ME3: variants seen among roughly 807,000 people sequenced by gnomAD.
The protein encoded by ME3 is malic enzyme 3, also known as NADP-dependent malic enzyme, mitochondrial.
Under a neutral mutation model 68.9 loss-of-function variants are expected in ME3, and 48 were observed. The ratio of observed to expected loss-of-function variants is 0.70; its 90% CI spans 0.55 to 0.89. The LOEUF (loss-of-function observed/expected upper bound fraction) is 0.89. ME3 is among the 40% of genes least tolerant of loss of function. The pLI is 0.00. For synonymous variants in ME3, 320 were observed against 318.8 expected, an observed-to-expected ratio of 1.00 and a Z score of -0.04; for missense variants, 675 against 797.4, an observed-to-expected ratio of 0.85 and a Z score of 1.85.
chr11:86,549,976 A>C (rs1307769868), intron 4 of ME3, among the ~76,000 whole-genome samples: 1 of 152,070 alleles, frequency 6.6e-6, no homozygotes, highest in Admixed American at 6.6e-5. Context: ...CAGATTATCA[A>C]CTCCCTAAAA....
At chr11:86,518,955 G>A (rs1246588417) in intron 4 of ME3, among the ~76,000 whole-genome samples, 2 of 152,230 alleles carry the variant, frequency 1.3e-5, no homozygotes, top group Non-Finnish European at 2.9e-5. Context: ...AGAAGGGGCG[G>A]CAAGGAGTGT....
rs71040244 is a variant in ME3 at position 86,560,704 on chromosome 11, ATG to A, written c.184-883_184-882del. Among the ~76,000 whole-genome samples the A allele has an allele frequency of 8.8e-3, 891 of 101,228 alleles. 13 individuals are homozygous for A. The highest frequency in any genetic ancestry group is 0.027 in the African/African-American group (681 of 25,370). The allele number at this position is 101,228 out of a possible 152,430, so 66.4% of individuals were successfully genotyped here. The stretch of plus-strand genomic sequence containing the variant: ...TAGATAAATATATGTATATAATGAT[ATG>A]TGTGTGTGTGTGTGTGTGTATGTGT... On this transcript the variant is annotated intron_variant, in intron 2 of 14. Transcript: ENST00000543262.
At chr11:86,505,637 A>G (rs985901650) in intron 5 of ME3, among the ~76,000 whole-genome samples, 1 of 152,172 alleles carries the variant, frequency 6.6e-6, no homozygotes, top group Non-Finnish European at 1.5e-5. Flanking sequence ...ACCTCCAGTG[A>G]TGACAGTATC....
intron 2 of ME3, among the ~76,000 whole-genome samples, chr11:86,600,004 G>A (rs1466228886): frequency 6.6e-6 from 1 of 152,162 alleles, no homozygotes; most frequent in Non-Finnish European, 1.5e-5. Flanking sequence ...ATGCCAAAAT[G>A]TAAAGACTAT....
At position 86,538,971 on chromosome 11, in the gene ME3, A is replaced by C. The variant is rs182033254; in HGVS notation, c.467+17582T>G. On this transcript the variant is annotated intron_variant, in intron 4 of 14. Coordinates refer to ENST00000543262, the Ensembl canonical transcript of ME3. ...ACATTTCTTTGACCAGAATTAGGTC[A>C]TATATCTACACCTAAAGTAATCACT... Among the ~76,000 whole-genome samples the C allele has an allele frequency of 1.6e-4, 25 of 152,324 alleles. No homozygotes were observed. The East Asian group carries it at 4.8e-3, about 29-fold the overall frequency.
intron 2 of ME3, chr11:86,622,988 A>C (rs1318314847): frequency 6.6e-6 from 1 of 152,210 alleles, no homozygotes; most frequent in Admixed American, 6.5e-5. Flanking sequence ...CTCAGTTAAC[A>C]CGCCTGTAAA....
intron 2 of ME3, 90 bp downstream of exon 2, chr11:86,671,672 G>A (rs773284793): frequency 6.0e-6 from 9 of 1,506,840 alleles, no homozygotes; most frequent in Admixed American, 2.0e-5. Context: ...GGGCGCCCGG[G>A]AGGATCCTTT....
At chr11:86,577,068 C>G (rs1028437186) in intron 2 of ME3, among the ~76,000 whole-genome samples, 2 of 152,156 alleles carry the variant, frequency 1.3e-5, no homozygotes, top group African/African-American at 4.8e-5. Flanking sequence ...TCTCATCACT[C>G]TTTGGGCAGG....
intron 2 of ME3, among the ~76,000 whole-genome samples, chr11:86,561,746 G>A (rs1489459086): frequency 6.6e-6 from 1 of 152,148 alleles, no homozygotes; most frequent in Non-Finnish European, 1.5e-5. Flanking sequence ...GAGTACAGTG[G>A]TTATGTGCAG....
At chr11:86,471,579 A>T (rs1950787154) in intron 7 of ME3, among the ~76,000 whole-genome samples, 1 of 152,154 alleles carries the variant, frequency 6.6e-6, no homozygotes, top group African/African-American at 2.4e-5. Flanking sequence ...ACTTATTGAC[A>T]TTTCTGTTTC....
intron 6 of ME3, among the ~76,000 whole-genome samples, chr11:86,494,348 C>T (rs78446002): frequency 0.025 from 3,810 of 152,294 alleles, 57 homozygotes; most frequent in Non-Finnish European, 0.032. Flanking sequence ...TGGAGCAGTG[C>T]ACCACAGTGG....
At chr11:86,533,531 ACCAGACAG>A (rs2139290454) in intron 4 of ME3, among the ~76,000 whole-genome samples, 1 of 152,306 alleles carries the variant, frequency 6.6e-6, no homozygotes, top group East Asian at 1.9e-4. Context: ...AAAACCCAGG[ACCAGACAG>A]CTTCACTGTT....
At chr11:86,614,287 A>C (rs544349043) in intron 2 of ME3, among the ~76,000 whole-genome samples, 1 of 152,332 alleles carries the variant, frequency 6.6e-6, no homozygotes, top group Non-Finnish European at 1.5e-5. Context: ...TCCAAAGACT[A>C]TTACAACACT....
chr11:86,475,868 T>TAGAG (rs1280724738), intron 7 of ME3, among the ~76,000 whole-genome samples: 390 of 109,632 alleles, frequency 3.6e-3, no homozygotes, highest in East Asian at 5.0e-3. Context: ...TATATATATA[T>TAGAG]ATATATAGAG....
exon 7 of ME3, chr11:86,487,423 A>T: frequency 6.2e-7 from 1 of 1,613,770 alleles, no homozygotes; most frequent in Non-Finnish European, 8.5e-7. Flanking sequence ...CGATGTACAG[A>T]GGGTCTCTGA....
downstream of ME3, among the ~76,000 whole-genome samples, chr11:86,438,644 T>C (rs1308290468): frequency 6.6e-6 from 1 of 152,218 alleles, no homozygotes; most frequent in Non-Finnish European, 1.5e-5. Context: ...TTTCTTTACT[T>C]ATTATAGGTA....
At chr11:86,457,402 A>C in intron 8 of ME3, 5 of 759,070 alleles carry the variant, frequency 6.6e-6, no homozygotes, top group Non-Finnish European at 8.1e-6. Flanking sequence ...CAGGTGGCCA[A>C]ATTCAGTAAT....
intron 2 of ME3, among the ~76,000 whole-genome samples, chr11:86,612,796 A>G (rs916850246): frequency 1.3e-5 from 2 of 152,090 alleles, no homozygotes; most frequent in African/African-American, 4.8e-5. Flanking sequence ...TTCCTTGTAA[A>G]TTCTGGATAT....
chr11:86,503,833 G>A (rs2139058812), intron 5 of ME3, among the ~76,000 whole-genome samples: 1 of 152,316 alleles, frequency 6.6e-6, no homozygotes, highest in African/African-American at 2.4e-5. Context: ...CTGGGGTGAG[G>A]GAGAGATTTA....
Sources: gnomAD v4.1 joint callset for allele counts (sites outside exome capture counted in the v4.1 genomes callset) on GRCh38, gnomAD v4.1.1 for gene constraint, MANE v1.5 for transcripts, NCBI Gene and HGNC (gene_info 2026-07-23, HGNC 2026-07-21) for gene names.